The following NEK4 variants were observed in gnomAD, a reference collection of about 807,000 sequenced individuals.
The protein encoded by NEK4 is serine/threonine-protein kinase Nek4.
NEK4 carries 86 observed loss-of-function variants against 98.4 expected under a neutral mutation model. The observed-to-expected ratio is 0.87, with a 90% CI of 0.73 to 1.05. The LOEUF (loss-of-function observed/expected upper bound fraction) is 1.05. Among genes scored for constraint, NEK4 ranks in the 50% least tolerant of loss-of-function variants. The pLI, the probability that NEK4 is intolerant of heterozygous loss-of-function variation, is 0.00. For missense variants in NEK4, 898 were observed against 950.3 expected (o/e 0.94, Z 0.72); for synonymous variants, 328 against 342.2 (o/e 0.96, Z 0.46).
At chr3:52,727,892 GCAGTGCTAAGGGGGGAAT>G (rs1300805879) in intron 15 of NEK4, among the ~76,000 whole-genome samples, 1 of 152,136 alleles carries the variant, frequency 6.6e-6, no homozygotes, top group African/African-American at 2.4e-5. Flanking sequence ...TTCAGCAAAA[GCAGTGCTAAGGGGGGAAT>G]TTATAGCTGT....
chr3:52,749,671 T>A (rs1173080276), intron 8 of NEK4, 21 bp downstream of exon 8: 1 of 251,948 alleles, frequency 4.0e-6, no homozygotes, highest in Non-Finnish European at 8.1e-6. Context: ...CCATCTCTGC[T>A]AGAAAAACTG....
In NEK4 at chr3:52,770,721, A is replaced by G; in HGVS notation, c.26T>C (p.Leu9Pro). 6.4e-7 allele frequency: 1 copy of G among 1,574,576 alleles called. No homozygotes were observed. The highest frequency in any genetic ancestry group is 1.2e-5 in the South Asian group (1 of 85,886). MPLAAYCY[L>P]RVVGKGSYGE... ...ATAGCTCCCCTTGCCCACGACCCGC[A>G]GGTAGCAGTAGGCGGCCAGGGGCAT... The change falls in exon 1 of 16, where the codon CTG becomes CCG. Residue 9 changes from leucine (L) to proline (P), a missense_variant. Leu to Pro is a moderately conservative substitution (Grantham distance 98). Transcript: ENST00000233027.
chr3:52,740,347 C>T (rs991810824), intron 13 of NEK4, among the ~76,000 whole-genome samples: 1 of 151,300 alleles, frequency 6.6e-6, no homozygotes, highest in East Asian at 1.9e-4. Flanking sequence ...AAGAGAGACA[C>T]AAAGACATTA....
At chr3:52,732,124 G>C (rs1330317290) in intron 15 of NEK4, among the ~76,000 whole-genome samples, 1 of 152,220 alleles carries the variant, frequency 6.6e-6, no homozygotes, top group Non-Finnish European at 1.5e-5. Flanking sequence ...TTTATTAGCA[G>C]TGTGAGAACA....
intron 15 of NEK4, among the ~76,000 whole-genome samples, chr3:52,724,309 T>C (rs2097362645): frequency 1.3e-5 from 2 of 148,742 alleles, no homozygotes; most frequent in African/African-American, 2.5e-5. Context: ...GAAAACAGCA[T>C]GAGAGAAGCA....
At chr3:52,753,472 G>T in intron 6 of NEK4, 1 of 393,678 alleles carries the variant, frequency 2.5e-6, no homozygotes. Context: ...TGAATGCTGA[G>T]GACGGAAGAG....
At chr3:52,751,380 C>T (rs1374417027) in intron 7 of NEK4, among the ~76,000 whole-genome samples, 2 of 150,958 alleles carry the variant, frequency 1.3e-5, no homozygotes, top group South Asian at 2.1e-4. Flanking sequence ...GGTGTGAACC[C>T]GGGAGGCGGA....
At chr3:52,723,435 G>A (rs1452178055) in intron 15 of NEK4, among the ~76,000 whole-genome samples, 1 of 151,850 alleles carries the variant, frequency 6.6e-6, no homozygotes, top group Admixed American at 6.6e-5. Context: ...GTGTAGACGG[G>A]GTTTTACCAT....
intron 10 of NEK4, 81 bp downstream of exon 10, chr3:52,745,979 TC>T: frequency 7.7e-7 from 1 of 1,297,180 alleles, no homozygotes; most frequent in Non-Finnish European, 1.1e-6. Flanking sequence ...TGCTTCAGCC[TC>T]CCAAAGTGCT....
chr3:52,754,680 A>G (rs1168897598), intron 6 of NEK4: 1 of 592,432 alleles, frequency 1.7e-6, no homozygotes, highest in Non-Finnish European at 3.3e-6. Context: ...AGAAGAGAAA[A>G]CAGTAGCAAC....
rs185317922 is a variant in NEK4 at position 52,759,524 on chromosome 3, T to C, written c.963+1271A>G. ...AGGGAAATACAAATCAAAAATACAA[T>C]AGGATACCACTTTACACCCACTAGG... On this transcript the variant is annotated intron_variant, in intron 6 of 15. Transcript: ENST00000233027. Among the ~76,000 whole-genome samples, 133 of 151,998 alleles carry C rather than the reference T, an allele frequency of 8.8e-4. 1 individual carries two copies. The highest frequency in any genetic ancestry group is 1.3e-3 in the Non-Finnish European group (86 of 67,978).
intron 15 of NEK4, chr3:52,734,800 T>C (rs1041978879): frequency 8.0e-5 from 22 of 275,810 alleles, no homozygotes; most frequent in African/African-American, 4.8e-4. Flanking sequence ...TTGGCATTGA[T>C]GATCTGACTG....
At chr3:52,721,138 C>T (rs1023574036) in intron 15 of NEK4, among the ~76,000 whole-genome samples, 1 of 152,208 alleles carries the variant, frequency 6.6e-6, no homozygotes, top group Non-Finnish European at 1.5e-5. Flanking sequence ...TGGAGACAGT[C>T]ATGCTGTTCC....
chr3:52,762,646 G>A (rs115801090), intron 5 of NEK4, among the ~76,000 whole-genome samples: 2,076 of 152,292 alleles, frequency 0.014, 18 homozygotes, highest in South Asian at 0.036. Flanking sequence ...GCTTTGGGAG[G>A]CCGAGGTGGG....
In NEK4 at chr3:52,758,194, A is replaced by G. The variant is rs531127248; in HGVS notation, c.963+2601T>C. On this transcript the variant is annotated intron_variant, in intron 6 of 15. Transcript: ENST00000233027. ...ACACCATCTCAAAAAAAAAAAAAAAAAAAAAAAAAGAAAGAAAGTAGAATG... is the reference window on the plus strand; with the variant it reads ...ACACCATCTCAAAAAAAAAAAAAAAGAAAAAAAAAGAAAGAAAGTAGAATG... 6.4e-4 allele frequency among the ~76,000 whole-genome samples: 96 copies of G among 151,124 alleles called. 3 individuals carry two copies. The highest frequency in any genetic ancestry group is 5.5e-3 in the Admixed American group (83 of 15,174).
At chr3:52,739,719 G>C (rs1489656200) in intron 13 of NEK4, 85 bp from the exon 14 acceptor site, 14 of 1,150,758 alleles carry the variant, frequency 1.2e-5, no homozygotes, top group Middle Eastern at 4.1e-4. Flanking sequence ...CGACCTTTCG[G>C]GAATTATCCT....
At position 52,749,790 on chromosome 3, in the gene NEK4, T is replaced by C. The variant is rs780189300; in HGVS notation, c.1408A>G (p.Ile470Val). ...AGGCGGAGGTTGCTGTGAGCCAAGA[T>C]TGTGCCACTGCACTCCAGCTTGGGC... ...LSPKLECSGT[I>V]LAHSNLRLLG... Residue 470 changes from isoleucine to valine, a missense_variant, in exon 8 of 16, where the codon ATC becomes GTC. Ile to Val is a conservative substitution (Grantham distance 29). Transcript: ENST00000233027. 2 of 184,540 alleles carry C rather than the reference T, an allele frequency of 1.1e-5. No individual in the cohort carries two copies. Among genetic ancestry groups the C allele is most frequent in the South Asian group, 6.9e-5 (1 of 14,526 alleles). The allele number at this position is 184,540 out of a possible 1,614,324, so 11.4% of individuals were successfully genotyped here.
In NEK4 at chr3:52,711,873, T is replaced by C; in HGVS notation, c.2434-4A>G. On this transcript the variant is annotated splice_polypyrimidine_tract_variant and splice_region_variant and intron_variant, in intron 15 of 15. Coordinates refer to ENST00000233027, the MANE Select transcript of NEK4 (RefSeq NM_003157.6). ...CCATGTGCTCCCGCAAACGTACCTA[T>C]TTGAGAAACAAAAAGAAAATCAATC... The C allele has an allele frequency of 3.2e-6, 5 of 1,562,118 alleles. No homozygotes were observed. The highest frequency in any genetic ancestry group is 2.7e-5 in the African/African-American group (2 of 73,808).
chr3:52,713,790 C>T (rs1386284096), intron 15 of NEK4, among the ~76,000 whole-genome samples: 1 of 85,128 alleles, frequency 1.2e-5, no homozygotes, highest in African/African-American at 4.0e-5. Context: ...GCAAAACTCC[C>T]TCTCAAAAAA....
Sources: allele counts gnomAD v4.1 joint callset (sites outside exome capture counted in the v4.1 genomes callset), GRCh38; gene constraint gnomAD v4.1.1; transcripts MANE v1.5; gene names NCBI Gene and HGNC (gene_info 2026-07-23, HGNC 2026-07-21).